MCC: variants seen among roughly 807,000 people sequenced by gnomAD.
MCC encodes the protein colorectal mutant cancer protein.
A neutral mutation model predicts 116.2 loss-of-function variants in MCC; 90 were observed. The observed-to-expected ratio is 0.77, with a 90% CI of 0.65 to 0.92. The LOEUF is 0.92. Ranked by LOEUF, MCC falls within the 40% of genes least tolerant of loss-of-function variation. MCC has a pLI of 0.00. For synonymous variants in MCC, 578 were observed against 510.5 expected (o/e 1.13, Z -1.78); for missense variants, 1,516 against 1,312.2 (o/e 1.16, Z -2.40).
At chr5:113,143,480 A>C in intron 4 of MCC, 120 bp from the exon 5 acceptor site, 1 of 1,053,358 alleles carries the variant, frequency 9.5e-7, no homozygotes, top group Non-Finnish European at 1.4e-6. Flanking sequence ...CCCAAATAAA[A>C]TGTATGTCAG....
At chr5:113,442,605 T>A (rs936739540) in intron 1 of MCC, among the ~76,000 whole-genome samples, 12 of 152,220 alleles carry the variant, frequency 7.9e-5, no homozygotes, top group Admixed American at 7.9e-4. Flanking sequence ...TTGCCTAGGT[T>A]TTCTTCTAGG....
chr5:113,475,629 A>T (rs574783214), intron 1 of MCC, among the ~76,000 whole-genome samples: 1 of 152,318 alleles, frequency 6.6e-6, no homozygotes, highest in East Asian at 1.9e-4. Flanking sequence ...ACTAAGAATT[A>T]AAGAGATTTT....
intron 17 of MCC, among the ~76,000 whole-genome samples, chr5:113,030,928 A>C (rs1030714405): frequency 6.6e-6 from 1 of 152,170 alleles, no homozygotes; most frequent in South Asian, 2.1e-4. Flanking sequence ...ACAATTTTGT[A>C]TATTTTCTGT....
At chr5:113,339,438 T>TGTGTGTGCGCAC (rs145838279) in intron 3 of MCC, among the ~76,000 whole-genome samples, 2 of 149,554 alleles carry the variant, frequency 1.3e-5, no homozygotes, top group African/African-American at 2.5e-5. Context: ...TGTGTGTGTG[T>TGTGTGTGCGCAC]GCGTGCATGT....
chr5:113,467,597 T>C (rs1580414429), intron 1 of MCC, among the ~76,000 whole-genome samples: 1 of 152,194 alleles, frequency 6.6e-6, no homozygotes, highest in Non-Finnish European at 1.5e-5. Context: ...CCTTGTAGTA[T>C]AGTTTGAAGT....
At chr5:113,381,352 T>G (rs1769114596) in intron 2 of MCC, among the ~76,000 whole-genome samples, 1 of 152,220 alleles carries the variant, frequency 6.6e-6, no homozygotes, top group Admixed American at 6.5e-5. Flanking sequence ...AATCAAAAGT[T>G]CTTTTTCACT....
intron 17 of MCC, among the ~76,000 whole-genome samples, chr5:113,032,688 C>A (rs1435450787): frequency 6.6e-6 from 1 of 152,224 alleles, no homozygotes; most frequent in African/African-American, 2.4e-5. Flanking sequence ...CTAAGACCTA[C>A]TGGGCTGCAT....
Position 113,462,710 on chromosome 5 carries a change from G to C in MCC, c.170+25535C>G, listed in dbSNP as rs574432841. On this transcript the variant is annotated intron_variant, in intron 1 of 18. Transcript: ENST00000408903. Reference sequence around the variant, plus strand: ...TCTGCAAATTTAAAGAAATGTACTAGTAAGCCAATTATGCAAAAAAGGCAA... The same window carrying C: ...TCTGCAAATTTAAAGAAATGTACTACTAAGCCAATTATGCAAAAAAGGCAA... Among the ~76,000 whole-genome samples, 5 of 152,278 alleles carry C rather than the reference G, an allele frequency of 3.3e-5. No individual in the cohort carries two copies. In the East Asian group the frequency reaches 5.8e-4, roughly 18 times the overall value.
At chr5:113,288,159 C>A (rs1390581376) in intron 3 of MCC, among the ~76,000 whole-genome samples, 3 of 152,244 alleles carry the variant, frequency 2.0e-5, no homozygotes, top group African/African-American at 7.2e-5. Context: ...GGCTGTCAGC[C>A]GCTGCCTTGC....
At chr5:113,214,451 G>A (rs1763239249) in intron 3 of MCC, among the ~76,000 whole-genome samples, 1 of 152,216 alleles carries the variant, frequency 6.6e-6, no homozygotes, top group Non-Finnish European at 1.5e-5. Context: ...AGATCCTTGA[G>A]TAGCTTATAG....
intron 5 of MCC, among the ~76,000 whole-genome samples, chr5:113,142,724 T>C (rs979430476): frequency 1.3e-5 from 2 of 152,204 alleles, no homozygotes; most frequent in Non-Finnish European, 2.9e-5. Context: ...GCTCAAAATA[T>C]AATCAGATTA....
intron 1 of MCC, among the ~76,000 whole-genome samples, chr5:113,478,593 T>C (rs1772293790): frequency 6.6e-6 from 1 of 152,134 alleles, no homozygotes; most frequent in Non-Finnish European, 1.5e-5. Flanking sequence ...AAGCTTGGGA[T>C]GCCATCAGAC....
rs140239184 is a variant in MCC at position 113,074,176 on chromosome 5, C to A, written c.1785-2942G>T. On this transcript the variant is annotated intron_variant, in intron 11 of 18. Transcript: ENST00000408903. ...CATACAGCTGGGTGCCCCTTTGATA[C>A]GAAGCTTCCAGAGGAAGGATCAGGC... 2.0e-5 allele frequency among the ~76,000 whole-genome samples: 3 copies of A among 152,220 alleles called. No homozygotes were observed. In the South Asian group the frequency reaches 6.2e-4, roughly 31 times the overall value.
chr5:113,465,811 T>C (rs1213251817), intron 1 of MCC, among the ~76,000 whole-genome samples: 1 of 152,196 alleles, frequency 6.6e-6, no homozygotes, highest in Non-Finnish European at 1.5e-5. Flanking sequence ...TTATACCATA[T>C]TCAGATGTTA....
At chr5:113,349,001 C>A (rs1206829696) in intron 2 of MCC, among the ~76,000 whole-genome samples, 1 of 151,934 alleles carries the variant, frequency 6.6e-6, no homozygotes, top group African/African-American at 2.4e-5. Context: ...CAAGATTGAA[C>A]CATGAAGCAA....
chr5:113,035,422 G>A (rs1312283569), intron 17 of MCC, among the ~76,000 whole-genome samples: 5 of 152,148 alleles, frequency 3.3e-5, no homozygotes, highest in African/African-American at 1.2e-4. Context: ...CTCTGCCCTG[G>A]TTTTCACACA....
intron 3 of MCC, among the ~76,000 whole-genome samples, chr5:113,251,019 T>C (rs1182432689): frequency 6.6e-6 from 1 of 152,212 alleles, no homozygotes; most frequent in East Asian, 1.9e-4. Context: ...GGTAGAGAAT[T>C]TATCCAGAGG....
intron 13 of MCC, among the ~76,000 whole-genome samples, chr5:113,067,223 C>A (rs925481526): frequency 1.3e-5 from 2 of 152,160 alleles, no homozygotes; most frequent in African/African-American, 4.8e-5. Flanking sequence ...GATCCCCGGG[C>A]TGGGGGAAGG....
chr5:113,107,308 C>T (rs962097547), intron 6 of MCC, among the ~76,000 whole-genome samples: 1 of 151,242 alleles, frequency 6.6e-6, no homozygotes, highest in African/African-American at 2.4e-5. Context: ...ACCTCCACCT[C>T]CCGGGTTCAA....
Sources: allele counts gnomAD v4.1 joint callset (sites outside exome capture counted in the v4.1 genomes callset), GRCh38; gene constraint gnomAD v4.1.1; transcripts MANE v1.5; gene names NCBI Gene and HGNC (gene_info 2026-07-23, HGNC 2026-07-21).